B3GALT1: variants seen among roughly 807,000 people sequenced by gnomAD.
B3GALT1 encodes the protein UDP-Gal:betaGlcNAc beta 1,3-galactosyltransferase, polypeptide 1.
Under a neutral mutation model 23.2 loss-of-function variants are expected in B3GALT1, and 10 were observed. The ratio of observed to expected loss-of-function variants is 0.43; its 90% confidence interval spans 0.27 to 0.73. The LOEUF is 0.73. Among genes scored for constraint, B3GALT1 ranks in the 30% least tolerant of loss-of-function variants. The probability of loss-of-function intolerance (pLI) is 0.21; values close to 1 mark genes in which losing one functional copy is unlikely to be tolerated. For synonymous variants in B3GALT1, 156 were observed against 141.5 expected, an observed-to-expected ratio of 1.10 and a Z score of -0.73; for missense variants, 299 against 405.4, an observed-to-expected ratio of 0.74 and a Z score of 2.25.
In B3GALT1 at chr2:167,357,163, TTA is replaced by T. The variant is rs1697429341; in HGVS notation, c.-511+63831_-511+63832del. Among the ~76,000 whole-genome samples, 7 of 152,124 alleles carry T rather than the reference TTA, an allele frequency of 4.6e-5. No homozygotes were observed. In the South Asian group the frequency reaches 8.3e-4, roughly 18 times the overall value. On this transcript the variant is annotated intron_variant, in intron 1 of 4. Transcript: ENST00000392690. ...AAAAGTGTATAATACATAACAATATTTATGTGTAATACCATTTTAGGTATATA... is the reference window on the plus strand; with the variant it reads ...AAAAGTGTATAATACATAACAATATTTGTGTAATACCATTTTAGGTATATA...
intron 1 of B3GALT1, among the ~76,000 whole-genome samples, chr2:167,451,674 T>G (rs1428572619): frequency 6.6e-6 from 1 of 152,216 alleles, no homozygotes; most frequent in Non-Finnish European, 1.5e-5. Flanking sequence ...GTCTGCCTCC[T>G]GCCAGGAGGT....
At chr2:167,759,744 G>T (rs1004459560) in intron 3 of B3GALT1, among the ~76,000 whole-genome samples, 10 of 152,118 alleles carry the variant, frequency 6.6e-5, no homozygotes, top group Non-Finnish European at 1.0e-4. Flanking sequence ...AGGCAACTCT[G>T]CGGGGAAAAA....
intron 2 of B3GALT1, among the ~76,000 whole-genome samples, chr2:167,621,605 G>A (rs1163137893): frequency 2.6e-5 from 4 of 152,026 alleles, no homozygotes; most frequent in Admixed American, 2.6e-4. Context: ...TGGTTTGGCT[G>A]TGTCCCCACC....
chr2:167,537,617 G>A (rs978350413), intron 2 of B3GALT1, among the ~76,000 whole-genome samples: 1 of 151,884 alleles, frequency 6.6e-6, no homozygotes, highest in Non-Finnish European at 1.5e-5. Flanking sequence ...CTCCTTCCTT[G>A]TTTTCAAGCC....
At chr2:167,716,033 G>A in intron 3 of B3GALT1, 1 of 1,607,540 alleles carries the variant, frequency 6.2e-7, no homozygotes. Flanking sequence ...CCAGCCCCAA[G>A]TAGGGCCGAG....
chr2:167,567,256 C>G (rs1684188909), intron 2 of B3GALT1, among the ~76,000 whole-genome samples: 1 of 152,086 alleles, frequency 6.6e-6, no homozygotes, highest in African/African-American at 2.4e-5. Flanking sequence ...TAGAATTAAT[C>G]TGCAAGAATG....
At chr2:167,766,902 C>T (rs934886162) in intron 3 of B3GALT1, among the ~76,000 whole-genome samples, 1 of 152,178 alleles carries the variant, frequency 6.6e-6, no homozygotes, top group African/African-American at 2.4e-5. Context: ...GTTGTCATGA[C>T]CTTTTTACCC....
chr2:167,825,701 C>T (rs1396668622), intron 4 of B3GALT1, among the ~76,000 whole-genome samples: 2 of 152,030 alleles, frequency 1.3e-5, no homozygotes, highest in East Asian at 1.9e-4. Context: ...CTCTTGACTC[C>T]AGCTCCTGTA....
At chr2:167,860,983 G>A (rs1210029655) in intron 4 of B3GALT1, among the ~76,000 whole-genome samples, 8 of 151,456 alleles carry the variant, frequency 5.3e-5, no homozygotes, top group East Asian at 1.9e-4. Flanking sequence ...TTGGTTTACC[G>A]AAACCCAAGA....
intron 3 of B3GALT1, among the ~76,000 whole-genome samples, chr2:167,668,686 C>A (rs184839076): frequency 4.8e-4 from 73 of 152,242 alleles, no homozygotes; most frequent in African/African-American, 1.6e-3. Flanking sequence ...GAAAAGCAGT[C>A]TTCGGGTGGG....
At chr2:167,703,186 T>G (rs1307769334) in intron 3 of B3GALT1, among the ~76,000 whole-genome samples, 1 of 152,222 alleles carries the variant, frequency 6.6e-6, no homozygotes, top group African/African-American at 2.4e-5. Flanking sequence ...GGTGTCATTT[T>G]CATCCACACT....
intron 3 of B3GALT1, among the ~76,000 whole-genome samples, chr2:167,687,600 G>T (rs1686638432): frequency 6.6e-6 from 1 of 151,728 alleles, no homozygotes; most frequent in African/African-American, 2.4e-5. Context: ...AAATACATTT[G>T]ACTAAAAACA....
At chr2:167,696,296 C>CAAAAACA (rs1686790808) in intron 3 of B3GALT1, among the ~76,000 whole-genome samples, 1 of 91,838 alleles carries the variant, frequency 1.1e-5, no homozygotes, top group African/African-American at 4.5e-5. Context: ...TGGTAAGAGG[C>CAAAAACA]AAAAAAAAAA....
chr2:167,691,460 A>G (rs1387745687), intron 3 of B3GALT1, among the ~76,000 whole-genome samples: 3 of 152,130 alleles, frequency 2.0e-5, no homozygotes, highest in Non-Finnish European at 2.9e-5. Flanking sequence ...GTTTACCTGT[A>G]TTTTTTCACA....
chr2:167,716,001 A>G (rs1166619730), intron 3 of B3GALT1: 6 of 1,611,626 alleles, frequency 3.7e-6, no homozygotes, highest in South Asian at 2.2e-5. Context: ...TGCTGCCACA[A>G]TTCTGCGTAG....
At chr2:167,787,971 G>A (rs1688371050) in intron 3 of B3GALT1, among the ~76,000 whole-genome samples, 1 of 152,156 alleles carries the variant, frequency 6.6e-6, no homozygotes, top group South Asian at 2.1e-4. Flanking sequence ...CCAGATTACG[G>A]TAGCCCCATT....
chr2:167,294,123 A>T (rs896661495), intron 1 of B3GALT1, among the ~76,000 whole-genome samples: 2 of 152,088 alleles, frequency 1.3e-5, no homozygotes, highest in Non-Finnish European at 2.9e-5. Context: ...AGCTTGGTGG[A>T]GGCAGAGCGG....
At chr2:167,560,326 A>C (rs1683950738) in intron 2 of B3GALT1, among the ~76,000 whole-genome samples, 1 of 152,222 alleles carries the variant, frequency 6.6e-6, no homozygotes, top group African/African-American at 2.4e-5. Context: ...GGAAAGGCAC[A>C]ACTGGTACCA....
chr2:167,711,230 A>G (rs1055266333), intron 3 of B3GALT1, among the ~76,000 whole-genome samples: 4 of 152,180 alleles, frequency 2.6e-5, no homozygotes, highest in African/African-American at 7.2e-5. Context: ...TCAAGGATGC[A>G]TTCCCTGATC....
Sources: allele counts gnomAD v4.1 joint callset (sites outside exome capture counted in the v4.1 genomes callset), GRCh38; gene constraint gnomAD v4.1.1; transcripts MANE v1.5; gene names NCBI Gene and HGNC (gene_info 2026-07-23, HGNC 2026-07-21).